ASXL3: variants seen among roughly 807,000 people sequenced by gnomAD.
The protein encoded by ASXL3 is putative Polycomb group protein ASXL3.
Under a neutral mutation model 170.6 loss-of-function variants are expected in ASXL3, and 34 were observed. The ratio of observed to expected loss-of-function variants is 0.20; its 90% CI spans 0.15 to 0.27. The LOEUF (loss-of-function observed/expected upper bound fraction) is 0.27, where lower values mean the gene tolerates loss of function less well. ASXL3 is among the 10% of genes least tolerant of loss of function. ASXL3 has a pLI of 1.00. For missense variants in ASXL3, 2,592 were observed against 2,695.3 expected (o/e 0.96, Z 0.85); for synonymous variants, 1,002 against 989.1 (o/e 1.01, Z -0.24).
intron 8 of ASXL3, among the ~76,000 whole-genome samples, chr18:33,704,385 A>G (rs2066925156): frequency 1.3e-5 from 2 of 152,082 alleles, no homozygotes; most frequent in Non-Finnish European, 2.9e-5. Context: ...TTTAATAAGT[A>G]ATTGTTTAAA....
At chr18:33,671,928 T>C in intron 7 of ASXL3, 62 bp downstream of exon 7, 4 of 1,395,496 alleles carry the variant, frequency 2.9e-6, no homozygotes, top group Non-Finnish European at 3.8e-6. Flanking sequence ...TCAAATAAAT[T>C]ATCTAAAATT....
In ASXL3 at chr18:33,701,459, C is replaced by T. The variant is rs182957063; in HGVS notation, c.879+17891C>T. On this transcript the variant is annotated intron_variant, in intron 8 of 11. Transcript: ENST00000269197. ...AATTTCCACTTATTTAGATCTTTAA[C>T]TTCTTTCAACAATGCTTTTTAGTTT... Among the ~76,000 whole-genome samples the T allele has an allele frequency of 9.2e-5, 14 of 152,202 alleles. No individual in the cohort carries two copies. In the East Asian group the frequency reaches 2.7e-3, roughly 29 times the overall value.
Position 33,746,399 on chromosome 18 carries a change from C to G in ASXL3, c.6551C>G (p.Pro2184Arg). Residue 2184 changes from proline to arginine, a missense_variant, in exon 12 of 12, where the codon CCT becomes CGT. Physicochemically the swap from Pro to Arg is moderately radical, Grantham distance 103 (BLOSUM62 -2). Around this residue, in one of 4 missense-constraint regions of ASXL3, gnomAD observed 2,246 missense variants for 2,219.6 expected, o/e 1.01. Transcript: ENST00000269197. Reference sequence around the variant, plus strand: ...GGGATTTTGGGAAGTGGCTCCAATCCTGCCACAGGCTTGTCTGGTCAGAAC... The same window carrying G: ...GGGATTTTGGGAAGTGGCTCCAATCGTGCCACAGGCTTGTCTGGTCAGAAC... ...SIGILGSGSN[P>R]ATGLSGQNAQ... is the part of the protein sequence containing the mutation. 6.2e-7 allele frequency: 1 copy of G among 1,613,868 alleles called. No homozygotes were observed. The highest frequency in any genetic ancestry group is 8.5e-7 in the Non-Finnish European group (1 of 1,179,752).
chr18:33,614,587 A>G (rs2065390372), intron 2 of ASXL3: 1 of 152,178 alleles, frequency 6.6e-6, no homozygotes, highest in African/African-American at 2.4e-5. Flanking sequence ...GAAGATTTTC[A>G]ATTCACTTTC....
intron 4 of ASXL3, among the ~76,000 whole-genome samples, chr18:33,655,565 A>G (rs1203031538): frequency 6.6e-6 from 1 of 152,026 alleles, no homozygotes; most frequent in East Asian, 1.9e-4. Flanking sequence ...TTAAACCCAA[A>G]TACCTATACC....
Position 33,670,697 on chromosome 18 carries a change from A to G in ASXL3, c.502A>G (p.Arg168Gly), listed in dbSNP as rs1297505439. The G allele has an allele frequency of 1.9e-6, 3 of 1,566,964 alleles. No individual in the cohort carries two copies. Among genetic ancestry groups the G allele is most frequent in the African/African-American group, 1.4e-5 (1 of 73,762 alleles). The change falls in exon 6 of 12, where the codon AGA becomes GGA. Residue 168 changes from arginine (R) to glycine (G), a missense_variant. Physicochemically the swap from Arg to Gly is moderately radical, Grantham distance 125 (BLOSUM62 -2). This residue lies in a region of ASXL3 where 251 missense variants were observed against 281.9 expected (regional missense o/e 0.89). Coordinates refer to ENST00000269197, the MANE Select transcript of ASXL3 (RefSeq NM_030632.3). ...KQALRQQQKR[R>G]NGVSMMVNKT... ...GGCTTTGAGGCAGCAGCAGAAAAGA[A>G]GAAATGGAGTCTCAATGATGGTAAA...
At chr18:33,678,702 CT>C (rs2066469239) in intron 7 of ASXL3, among the ~76,000 whole-genome samples, 1 of 152,156 alleles carries the variant, frequency 6.6e-6, no homozygotes, top group African/African-American at 2.4e-5. Flanking sequence ...ATGACTACAT[CT>C]TTTTTCCTTC....
chr18:33,694,106 A>G (rs2066733575), intron 8 of ASXL3, among the ~76,000 whole-genome samples: 1 of 152,160 alleles, frequency 6.6e-6, no homozygotes, highest in Admixed American at 6.6e-5. Flanking sequence ...GAAACCAAGA[A>G]GTCAGAGCAG....
rs1270903974 is a variant in ASXL3, at chr18:33,578,623, G to T, written c.-9G>T. On this transcript the variant is annotated 5_prime_UTR_variant, in exon 1 of 12. Coordinates refer to ENST00000269197, the MANE Select transcript of ASXL3 (RefSeq NM_030632.3). ...ACGTCATCATCAGAACCATCAATGA[G>T]ATGCAAACATGAAAGACAAGAGGAA... The T allele has an allele frequency of 7.4e-7, 1 of 1,343,074 alleles. No individual in the cohort carries two copies. Among genetic ancestry groups the T allele is most frequent in the South Asian group, 1.6e-5 (1 of 64,240 alleles). 83.2% of individuals were successfully genotyped at this position (1,343,074 alleles called of 1,614,324 possible).
chr18:33,675,388 T>C (rs1045933890), intron 7 of ASXL3, among the ~76,000 whole-genome samples: 5 of 151,990 alleles, frequency 3.3e-5, no homozygotes, highest in African/African-American at 9.7e-5. Flanking sequence ...ATCTAATTCA[T>C]ATGGTCTTGG....
chr18:33,733,039 G>A (rs2067478501), intron 9 of ASXL3, among the ~76,000 whole-genome samples: 3 of 152,088 alleles, frequency 2.0e-5, no homozygotes, highest in African/African-American at 7.2e-5. Context: ...GTTTCTGCCA[G>A]CCCTTGCTCA....
At chr18:33,607,518 G>T in intron 1 of ASXL3, 76 bp from the exon 2 acceptor site, 1 of 1,150,080 alleles carries the variant, frequency 8.7e-7, no homozygotes, top group South Asian at 1.4e-5. Context: ...AATAAGCAGA[G>T]AATGCATGAT....
chr18:33,672,930 T>C (rs1426414199), intron 7 of ASXL3, among the ~76,000 whole-genome samples: 1 of 152,190 alleles, frequency 6.6e-6, no homozygotes, highest in Non-Finnish European at 1.5e-5. Flanking sequence ...CTCTTTTTTA[T>C]TTAAAGTCTT....
rs538122417 is a variant in ASXL3, at chr18:33,718,708, T to TC, written c.880-13260_880-13259insC. 9.9e-5 allele frequency among the ~76,000 whole-genome samples: 15 copies of TC among 152,084 alleles called. No individual in the cohort carries two copies. The East Asian group carries it at 2.9e-3, about 29-fold the overall frequency. ...TTTACAATCTTTTTCTTTTTCTTTT[T>TC]TTTTTTCCTTCAAGGCCAGCAGGAG... On this transcript the variant is annotated intron_variant, in intron 8 of 11. Transcript: ENST00000269197.
intron 8 of ASXL3, among the ~76,000 whole-genome samples, chr18:33,722,034 A>G (rs1306070815): frequency 6.6e-6 from 1 of 152,024 alleles, no homozygotes; most frequent in Non-Finnish European, 1.5e-5. Flanking sequence ...GTTTTGGGGT[A>G]CCACAAACCA....
intron 8 of ASXL3, among the ~76,000 whole-genome samples, chr18:33,710,551 G>T (rs1230916439): frequency 6.6e-6 from 1 of 152,142 alleles, no homozygotes; most frequent in East Asian, 1.9e-4. Flanking sequence ...TATGCTCAAA[G>T]ACATAAAAAT....
At chr18:33,578,998 G>C (rs2064970454) in intron 1 of ASXL3, 1 of 173,608 alleles carries the variant, frequency 5.8e-6, no homozygotes, top group Non-Finnish European at 1.2e-5. Context: ...GCTCGGCGCA[G>C]CTCGACTTCC....
chr18:33,659,268 A>C (rs2066133649), intron 4 of ASXL3, among the ~76,000 whole-genome samples: 1 of 152,068 alleles, frequency 6.6e-6, no homozygotes. Context: ...GAGGAATAAT[A>C]GCATTTTCTA....
At chr18:33,589,740 A>G (rs2065062276) in intron 1 of ASXL3, among the ~76,000 whole-genome samples, 1 of 152,166 alleles carries the variant, frequency 6.6e-6, no homozygotes, top group African/African-American at 2.4e-5. Context: ...ACCTTAGTAT[A>G]TCAATCATAA....
Sources: allele counts gnomAD v4.1 joint callset (sites outside exome capture counted in the v4.1 genomes callset), GRCh38; gene constraint gnomAD v4.1.1; regional missense constraint gnomAD v4.1.1; transcripts MANE v1.5; gene names NCBI Gene and HGNC (gene_info 2026-07-23, HGNC 2026-07-21).